CACNA1A: variants seen among roughly 807,000 people sequenced by gnomAD.
CACNA1A encodes the protein calcium voltage-gated channel subunit alpha1 A, also known as voltage-dependent P/Q-type calcium channel subunit alpha-1A.
A neutral mutation model predicts 262.4 loss-of-function variants in CACNA1A; 57 were observed. The observed-to-expected ratio is 0.22, with a 90% confidence interval of 0.18 to 0.27. CACNA1A has a LOEUF of 0.27. CACNA1A is among the 10% of genes least tolerant of loss of function. The pLI, the probability that CACNA1A is intolerant of heterozygous loss-of-function variation, is 1.00. For synonymous variants in CACNA1A, 1,431 were observed against 1,419.3 expected, an observed-to-expected ratio of 1.01 and a Z score of -0.18; for missense variants, 2,526 against 3,562.8, an observed-to-expected ratio of 0.71 and a Z score of 7.41.
At position 13,389,835 on chromosome 19, in the gene CACNA1A, CAG is replaced by C. The variant is rs2059682031; in HGVS notation, c.540-18058_540-18057del. The stretch of plus-strand genomic sequence containing the variant: ...ATTTATTTATTTATTTATTTTGAGA[CAG>C]AGTCTCGCTCTGTCGCCCAGGCCGG... On this transcript the variant is annotated intron_variant, in intron 3 of 46. Transcript: ENST00000360228. 1.3e-5 allele frequency among the ~76,000 whole-genome samples: 2 copies of C among 152,028 alleles called. 1 individual carries two copies. Among genetic ancestry groups the C allele is most frequent in the South Asian group, 4.1e-4 (2 of 4,826 alleles).
intron 6 of CACNA1A, among the ~76,000 whole-genome samples, chr19:13,338,751 T>C (rs968899811): frequency 1.3e-5 from 2 of 152,192 alleles, no homozygotes; most frequent in Non-Finnish European, 2.9e-5. Context: ...CTGAGAAGTT[T>C]CTGTTTCCTC....
At chr19:13,332,124 G>A (rs188903466) in intron 9 of CACNA1A, among the ~76,000 whole-genome samples, 1 of 151,654 alleles carries the variant, frequency 6.6e-6, no homozygotes, top group Non-Finnish European at 1.5e-5. Context: ...GGTTTCCAGG[G>A]GACCATGAAT....
chr19:13,349,310 C>T (rs1286495128), intron 6 of CACNA1A, among the ~76,000 whole-genome samples: 1 of 152,208 alleles, frequency 6.6e-6, no homozygotes, highest in African/African-American at 2.4e-5. Flanking sequence ...ACTCAAGACA[C>T]CCTGGTCCTG....
In CACNA1A at chr19:13,396,698, C is replaced by A. The variant is rs192003302; in HGVS notation, c.540-24919G>T. On this transcript the variant is annotated intron_variant, in intron 3 of 46. Transcript: ENST00000360228. ...ATAGAGTGGATTACATAATCGAGGG[C>A]GTGCAGTCCGTCACATGATGGTGCA... Among the ~76,000 whole-genome samples, 12 of 152,330 alleles carry A rather than the reference C, an allele frequency of 7.9e-5. No individual in the cohort carries two copies. The East Asian group carries it at 2.3e-3, about 29-fold the overall frequency.
At chr19:13,208,592 G>A (rs1282062197) in intron 46 of CACNA1A, among the ~76,000 whole-genome samples, 164 bp downstream of exon 46, 3 of 152,042 alleles carry the variant, frequency 2.0e-5, no homozygotes, top group Admixed American at 6.6e-5. Context: ...ATCCGTGTCC[G>A]CTCCGGCCGC....
chr19:13,227,618 G>A, intron 36 of CACNA1A, 91 bp from the exon 37 acceptor site: 2 of 492,288 alleles, frequency 4.1e-6, no homozygotes, highest in Non-Finnish European at 3.5e-6. Context: ...GAGGTGGGGA[G>A]AAACAGAAGA....
At chr19:13,238,265 A>G (rs1158727599) in intron 31 of CACNA1A, among the ~76,000 whole-genome samples, 1 of 151,466 alleles carries the variant, frequency 6.6e-6, no homozygotes. Flanking sequence ...TCTCTTCAAC[A>G]CCTCCCCTGA....
At chr19:13,273,913 TTG>T (rs1416572682) in intron 24 of CACNA1A, 2 of 78,250 alleles carry the variant, frequency 2.6e-5, no homozygotes, top group Admixed American at 1.5e-4. Flanking sequence ...GCCTGGCTAA[TTG>T]TTTTTTTTTT....
chr19:13,300,487 G>C, intron 18 of CACNA1A, 63 bp downstream of exon 18: 1 of 1,169,682 alleles, frequency 8.5e-7, no homozygotes, highest in Non-Finnish European at 1.3e-6. Context: ...TCCCAAATCT[G>C]TGCCTGGGAT....
At chr19:13,479,052 T>C (rs1978926514) in intron 1 of CACNA1A, among the ~76,000 whole-genome samples, 1 of 152,164 alleles carries the variant, frequency 6.6e-6, no homozygotes, top group South Asian at 2.1e-4. Flanking sequence ...TGGGTGCCTG[T>C]AATCCCAGCT....
chr19:13,223,483 C>T (rs149596078), intron 38 of CACNA1A, among the ~76,000 whole-genome samples: 3 of 152,308 alleles, frequency 2.0e-5, no homozygotes, highest in African/African-American at 4.8e-5. Context: ...GCCACCACGT[C>T]GAGCCTACCC....
intron 1 of CACNA1A, 145 bp downstream of exon 1, chr19:13,505,787 C>A (rs1982960800): frequency 1.3e-6 from 1 of 791,226 alleles, no homozygotes; most frequent in Admixed American, 2.2e-5. Flanking sequence ...CACACTCCTC[C>A]CGGTGCCCCC....
intron 29 of CACNA1A, among the ~76,000 whole-genome samples, chr19:13,253,896 C>G (rs549675310): frequency 6.6e-6 from 1 of 152,050 alleles, no homozygotes; most frequent in Non-Finnish European, 1.5e-5. Flanking sequence ...TGCGCCACCA[C>G]GCCCAGCTAA....
intron 1 of CACNA1A, among the ~76,000 whole-genome samples, chr19:13,491,404 T>A (rs1980865591): frequency 6.6e-6 from 1 of 152,120 alleles, no homozygotes; most frequent in South Asian, 2.1e-4. Context: ...CTGTAACTAT[T>A]CACCACAAAG....
In CACNA1A at chr19:13,347,065, TTG is replaced by T. The variant is rs1248097890; in HGVS notation, c.979-11158_979-11157del. ...CTTCAGGTCTGTTTTTTTTGTTTTTTTGTTTTTTTTTTTTGAGACAGTTCTTG... is the reference window on the plus strand; with the variant it reads ...CTTCAGGTCTGTTTTTTTTGTTTTTTTTTTTTTTTTTTGAGACAGTTCTTG... On this transcript the variant is annotated intron_variant, in intron 6 of 46. Transcript: ENST00000360228. Among the ~76,000 whole-genome samples the T allele has an allele frequency of 6.4e-4, 42 of 65,786 alleles. 2 individuals are homozygous for T. Among genetic ancestry groups the T allele is most frequent in the Middle Eastern group, 7.5e-3 (1 of 134 alleles). The allele number at this position is 65,786 out of a possible 152,430, so 43.2% of individuals were successfully genotyped here. A position where few individuals can be genotyped will look rare whatever the true frequency, so the allele number is the denominator to read the frequency against.
At chr19:13,290,827 A>C (rs902700920) in intron 19 of CACNA1A, among the ~76,000 whole-genome samples, 1 of 152,176 alleles carries the variant, frequency 6.6e-6, no homozygotes, top group Non-Finnish European at 1.5e-5. Context: ...AATTTCAAAG[A>C]GAACCTAAAT....
intron 15 of CACNA1A, 132 bp downstream of exon 15, chr19:13,307,650 C>A: frequency 1.5e-6 from 1 of 685,214 alleles, no homozygotes; most frequent in Non-Finnish European, 2.6e-6. Flanking sequence ...ACCATAAAAT[C>A]TGTGTTTCAA....
intron 3 of CACNA1A, among the ~76,000 whole-genome samples, chr19:13,448,301 A>G (rs144440725): frequency 6.6e-6 from 1 of 152,162 alleles, no homozygotes; most frequent in Non-Finnish European, 1.5e-5. Context: ...CTAAATGATG[A>G]TAACACATGG....
intron 30 of CACNA1A, among the ~76,000 whole-genome samples, chr19:13,246,631 GT>G (rs1001319451): frequency 7.7e-5 from 11 of 143,106 alleles, no homozygotes; most frequent in Non-Finnish European, 6.0e-5. Flanking sequence ...CTCTCTGTTT[GT>G]TTTTTTTTTT....
Sources: allele counts gnomAD v4.1 joint callset (sites outside exome capture counted in the v4.1 genomes callset), GRCh38; gene constraint gnomAD v4.1.1; transcripts MANE v1.5; gene names NCBI Gene and HGNC (gene_info 2026-07-23, HGNC 2026-07-21).